PSIP1: variants seen among roughly 807,000 people sequenced by gnomAD.
PSIP1 encodes the protein PC4 and SRSF1 interacting protein 1.
PSIP1 carries 19 observed loss-of-function variants against 74.7 expected under a neutral mutation model. The observed-to-expected ratio is 0.25, with a 90% confidence interval of 0.18 to 0.37. PSIP1 has a LOEUF of 0.37. Among genes scored for constraint, PSIP1 ranks in the 10% least tolerant of loss-of-function variants. The pLI is 1.00. For synonymous variants in PSIP1, 222 were observed against 195.3 expected (o/e 1.14, Z -1.14); for missense variants, 601 against 614.3 (o/e 0.98, Z 0.23).
intron 8 of PSIP1, among the ~76,000 whole-genome samples, chr9:15,474,755 G>A (rs2036001860): frequency 1.3e-5 from 2 of 152,040 alleles, no homozygotes; most frequent in Admixed American, 1.3e-4. Flanking sequence ...TATGCAAGTT[G>A]GTACTACAGA....
At chr9:15,504,638 G>C (rs2037501120) in intron 3 of PSIP1, among the ~76,000 whole-genome samples, 1 of 151,888 alleles carries the variant, frequency 6.6e-6, no homozygotes, top group Admixed American at 6.6e-5. Flanking sequence ...TCGGGAGGCT[G>C]AGGCAGGAGA....
chr9:15,478,360 G>A, intron 8 of PSIP1, 117 bp downstream of exon 8: 1 of 869,812 alleles, frequency 1.1e-6, no homozygotes, highest in Non-Finnish European at 1.8e-6. Flanking sequence ...TTTTAAGAAA[G>A]ATCAAAATAA....
intron 9 of PSIP1, 86 bp from the exon 10 acceptor site, chr9:15,472,836 A>T: frequency 7.6e-7 from 1 of 1,312,970 alleles, no homozygotes. Flanking sequence ...GAAAAGCAGC[A>T]GCTAGTTTTT....
intron 3 of PSIP1, among the ~76,000 whole-genome samples, chr9:15,495,949 G>C (rs888838199): frequency 3.3e-5 from 5 of 152,044 alleles, no homozygotes; most frequent in Admixed American, 6.6e-5. Context: ...TCTAGCATTA[G>C]GATTTTTGCT....
intron 6 of PSIP1, 122 bp from the exon 7 acceptor site, chr9:15,479,809 T>A: frequency 1.8e-6 from 1 of 542,604 alleles, no homozygotes; most frequent in Non-Finnish European, 3.1e-6. Flanking sequence ...AACCTCTATA[T>A]GATCTTTTGT....
At chr9:15,499,306 A>G (rs1203762752) in intron 3 of PSIP1, among the ~76,000 whole-genome samples, 7 of 152,226 alleles carry the variant, frequency 4.6e-5, no homozygotes, top group Non-Finnish European at 1.0e-4. Flanking sequence ...TGTAAGAGTC[A>G]AGACTGATGT....
intron 3 of PSIP1, among the ~76,000 whole-genome samples, chr9:15,497,549 A>T (rs2037140281): frequency 6.6e-6 from 1 of 151,686 alleles, no homozygotes; most frequent in African/African-American, 2.4e-5. Context: ...CTGGTCTCGA[A>T]CTCCTGACCT....
chr9:15,479,847 A>G (rs1038723972), intron 6 of PSIP1, among the ~76,000 whole-genome samples, 160 bp from the exon 7 acceptor site: 15 of 152,232 alleles, frequency 9.9e-5, no homozygotes, highest in Admixed American at 3.3e-4. Flanking sequence ...CAAGAGTAAC[A>G]TCTTCAAACT....
chr9:15,488,261 G>T (rs1203211586), intron 4 of PSIP1, among the ~76,000 whole-genome samples: 1 of 152,098 alleles, frequency 6.6e-6, no homozygotes, highest in East Asian at 1.9e-4. Flanking sequence ...GACCTGGGGG[G>T]CAGAGGCTTC....
chr9:15,474,055 G>A lies in PSIP1; in HGVS notation c.812C>T (p.Ser271Leu). Residue 271 changes from serine to leucine, a missense_variant, in exon 9 of 16, where the codon TCA becomes TTA. Physicochemically the swap from Ser to Leu is moderately radical, Grantham distance 145. Around this residue, in one of 2 missense-constraint regions of PSIP1, gnomAD observed 538 missense variants for 507.6 expected, o/e 1.06. Coordinates refer to ENST00000380733, the MANE Select transcript of PSIP1 (RefSeq NM_033222.5). ...TCCTTCTTCTTCAGAATCGGAGGTTGAAGTAACCCCTGTTTTAGCTAAATT... is the reference window on the plus strand; with the variant it reads ...TCCTTCTTCTTCAGAATCGGAGGTTAAAGTAACCCCTGTTTTAGCTAAATT... The part of the protein sequence containing the change: ...RKNLAKTGVT[S>L]TSDSEEEGDD... 1.2e-6 allele frequency: 2 copies of A among 1,613,396 alleles called. No homozygotes were observed.
intron 2 of PSIP1, 77 bp downstream of exon 2, chr9:15,510,040 A>T (rs1008194755): frequency 3.3e-5 from 46 of 1,410,456 alleles, no homozygotes; most frequent in East Asian, 2.5e-4. Context: ...AGAAGAAAAA[A>T]TAAAGAGACA....
At chr9:15,470,109 C>A in intron 10 of PSIP1, 116 bp from the exon 11 acceptor site, 1 of 753,688 alleles carries the variant, frequency 1.3e-6, no homozygotes, top group Non-Finnish European at 2.2e-6. Flanking sequence ...GCCTAGACTG[C>A]AAAGGAACTG....
chr9:15,472,826 G>A lies in PSIP1; in HGVS notation c.859-76C>T, dbSNP rs2035898379. ...TGCTTATGGAATTATAATCTTGGGG[G>A]AAAAGCAGCAGCTAGTTTTTAAAAA... On this transcript the variant is annotated intron_variant, in intron 9 of 15. Coordinates refer to ENST00000380733, the MANE Select transcript of PSIP1 (RefSeq NM_033222.5). 8.1e-6 allele frequency: 11 copies of A among 1,364,002 alleles called. No individual in the cohort carries two copies. In the South Asian group the frequency reaches 1.1e-4, roughly 13 times the overall value. The allele number at this position is 1,364,002 out of a possible 1,614,324, so 84.5% of individuals were successfully genotyped here.
At chr9:15,481,969 T>C (rs900396877) in intron 6 of PSIP1, among the ~76,000 whole-genome samples, 3 of 152,322 alleles carry the variant, frequency 2.0e-5, no homozygotes, top group Admixed American at 1.3e-4. Context: ...TATGCTTAAA[T>C]ATTTAAACAT....
chr9:15,496,843 T>C (rs568699477), intron 3 of PSIP1, among the ~76,000 whole-genome samples: 1 of 152,322 alleles, frequency 6.6e-6, no homozygotes, highest in East Asian at 1.9e-4. Context: ...ATCATTAAGT[T>C]ATCCAGGAAA....
intron 3 of PSIP1, among the ~76,000 whole-genome samples, chr9:15,493,604 T>C (rs2036935754): frequency 2.0e-5 from 3 of 152,188 alleles, no homozygotes; most frequent in South Asian, 2.1e-4. Flanking sequence ...GGATAGTTTA[T>C]AAAGAAAAGA....
intron 3 of PSIP1, among the ~76,000 whole-genome samples, chr9:15,498,161 GC>G (rs2037171874): frequency 6.6e-6 from 1 of 152,088 alleles, no homozygotes; most frequent in South Asian, 2.1e-4. Context: ...TGTAACCCCA[GC>G]CCCAGCACTT....
At chr9:15,509,075 T>C (rs2037731043) in intron 2 of PSIP1, among the ~76,000 whole-genome samples, 1 of 152,226 alleles carries the variant, frequency 6.6e-6, no homozygotes, top group Non-Finnish European at 1.5e-5. Context: ...TCTCAGCTCC[T>C]AGACAGGACT....
At chr9:15,490,813 C>T (rs752155483) in intron 3 of PSIP1, among the ~76,000 whole-genome samples, 5 of 151,638 alleles carry the variant, frequency 3.3e-5, no homozygotes, top group Admixed American at 6.6e-5. Flanking sequence ...AAAATAACTT[C>T]GTATATTATA....
Sources: gnomAD v4.1 joint callset for allele counts (sites outside exome capture counted in the v4.1 genomes callset) on GRCh38, gnomAD v4.1.1 for gene constraint, gnomAD v4.1.1 regional missense constraint, MANE v1.5 for transcripts, NCBI Gene and HGNC (gene_info 2026-07-23, HGNC 2026-07-21) for gene names.